The following NFATC2 variants were observed in gnomAD, a reference collection of about 807,000 sequenced individuals.
NFATC2 encodes the protein nuclear factor of activated T-cells, cytoplasmic 2.
A neutral mutation model predicts 87.3 loss-of-function variants in NFATC2; 22 were observed. The observed-to-expected ratio is 0.25, with a 90% confidence interval of 0.18 to 0.36. The LOEUF (loss-of-function observed/expected upper bound fraction) is 0.36. NFATC2 is among the 10% of genes least tolerant of loss of function. NFATC2 has a pLI of 1.00. For synonymous variants in NFATC2, 565 were observed against 542.2 expected (o/e 1.04, Z -0.58); for missense variants, 1,149 against 1,259.1 (o/e 0.91, Z 1.32).
chr20:51,453,190 C>A (rs1986010111), intron 6 of NFATC2, among the ~76,000 whole-genome samples: 1 of 152,286 alleles, frequency 6.6e-6, no homozygotes, highest in Non-Finnish European at 1.5e-5. Flanking sequence ...ATGCAGTTGT[C>A]ACACCCCGGT....
chr20:51,430,895 G>T (rs1465696224), intron 9 of NFATC2, among the ~76,000 whole-genome samples: 1 of 152,072 alleles, frequency 6.6e-6, no homozygotes, highest in Non-Finnish European at 1.5e-5. Context: ...GAGGTTTCAG[G>T]GTATATCAGA....
In NFATC2 at chr20:51,432,255, C is replaced by T; in HGVS notation, c.2534G>A (p.Gly845Asp). 29 of 1,614,164 alleles carry T rather than the reference C, an allele frequency of 1.8e-5. No homozygotes were observed. Among genetic ancestry groups the T allele is most frequent in the Non-Finnish European group, 2.4e-5 (28 of 1,180,026 alleles). ...ENFAPGTTRPGPPPVSQGQRL... is the reference protein window; with the variant it reads ...ENFAPGTTRPDPPPVSQGQRL... The stretch of plus-strand genomic sequence containing the variant: ...CTGACCTTGACTGACCGGGGGCGGG[C>T]CAGGTCTGGTGGTGCCTGGTGCGAA... Residue 845 changes from glycine (G) to aspartate (D), a missense_variant, in exon 9 of 11, where the codon GGC becomes GAC. Gly to Asp is a moderately conservative substitution (Grantham distance 94). Around this residue, in one of 3 missense-constraint regions of NFATC2, gnomAD observed 581 missense variants for 649.7 expected, o/e 0.89. Coordinates refer to ENST00000371564, the MANE Select transcript of NFATC2 (RefSeq NM_012340.5). The surrounding 1 kb of genome is among the most constrained non-coding windows in gnomAD (Gnocchi z 4.6).
At chr20:51,401,470 A>G (rs565013304) in intron 9 of NFATC2, among the ~76,000 whole-genome samples, 1 of 152,348 alleles carries the variant, frequency 6.6e-6, no homozygotes, top group South Asian at 2.1e-4. Context: ...CCAATAACCA[A>G]GGATACCATT....
intron 1 of NFATC2, among the ~76,000 whole-genome samples, chr20:51,535,797 G>A (rs925806621): frequency 6.6e-6 from 1 of 152,128 alleles, no homozygotes; most frequent in African/African-American, 2.4e-5. Flanking sequence ...GCCCAAGCAG[G>A]TCTGTTTTGA....
intron 9 of NFATC2, among the ~76,000 whole-genome samples, chr20:51,399,731 C>T (rs538604593): frequency 1.3e-5 from 2 of 152,216 alleles, no homozygotes; most frequent in African/African-American, 2.4e-5. Context: ...CCAAAGCAAA[C>T]ATTTCCAGGT....
chr20:51,522,203 T>TA (rs1056383049), intron 2 of NFATC2, among the ~76,000 whole-genome samples: 8 of 132,162 alleles, frequency 6.1e-5, no homozygotes, highest in Non-Finnish European at 3.1e-5. Context: ...ATCCATTTTT[T>TA]AAAAAAACAC....
chr20:51,432,780 G>A lies in NFATC2; in HGVS notation c.2033-24C>T. On this transcript the variant is annotated intron_variant, in intron 8 of 10. Transcript: ENST00000371564. The surrounding 1 kb of genome is among the most constrained non-coding windows in gnomAD (Gnocchi z 4.6). ...GACTGGGAGGAGAAAAGAGCACATAGGGGCGCCCATGGCAGTGAGCCACGG... is the reference window on the plus strand; with the variant it reads ...GACTGGGAGGAGAAAAGAGCACATAAGGGCGCCCATGGCAGTGAGCCACGG... 6.5e-7 allele frequency: 1 copy of A among 1,532,136 alleles called. No homozygotes were observed. Among genetic ancestry groups the A allele is most frequent in the Non-Finnish European group, 8.7e-7 (1 of 1,149,062 alleles). The allele number at this position is 1,532,136 out of a possible 1,614,324, so 94.9% of individuals were successfully genotyped here. A position where few individuals can be genotyped will look rare whatever the true frequency, so the allele number is the denominator to read the frequency against.
At chr20:51,498,488 A>G (rs1044321781) in intron 3 of NFATC2, among the ~76,000 whole-genome samples, 1 of 152,158 alleles carries the variant, frequency 6.6e-6, no homozygotes, top group Admixed American at 6.5e-5. Context: ...AACATATATC[A>G]GGCTATGGAA....
chr20:51,469,181 C>T (rs1001130034), intron 5 of NFATC2, among the ~76,000 whole-genome samples: 3 of 152,126 alleles, frequency 2.0e-5, no homozygotes, highest in East Asian at 3.9e-4. Flanking sequence ...CACCAGCATG[C>T]CTGGCTAATT....
intron 3 of NFATC2, among the ~76,000 whole-genome samples, chr20:51,487,622 A>C (rs1049501901): frequency 2.0e-5 from 3 of 152,234 alleles, no homozygotes; most frequent in African/African-American, 7.2e-5. Context: ...ACAGCTGAAA[A>C]AGAACCCCAA....
chr20:51,483,721 A>G (rs868299247), intron 3 of NFATC2, among the ~76,000 whole-genome samples: 5 of 151,662 alleles, frequency 3.3e-5, no homozygotes, highest in Admixed American at 6.6e-5. Flanking sequence ...AATCACTTCA[A>G]TAACAACCCT....
At chr20:51,536,214 A>G (rs1196692631) in intron 1 of NFATC2, among the ~76,000 whole-genome samples, 3 of 152,212 alleles carry the variant, frequency 2.0e-5, no homozygotes, top group Admixed American at 2.0e-4. Flanking sequence ...ATAAGAGGTG[A>G]ACGTGCACAC....
intron 9 of NFATC2, 70 bp from the exon 10 acceptor site, chr20:51,398,800 C>T (rs925779361): frequency 1.0e-5 from 11 of 1,055,170 alleles, no homozygotes; most frequent in Middle Eastern, 2.0e-4. Context: ...CTTACGCTTC[C>T]AACTCATGCC....
At chr20:51,496,085 C>A (rs1164920066) in intron 3 of NFATC2, among the ~76,000 whole-genome samples, 1 of 152,114 alleles carries the variant, frequency 6.6e-6, no homozygotes, top group East Asian at 1.9e-4. Flanking sequence ...CCCAGAGGAG[C>A]CAGGTGAGGA....
In NFATC2 at chr20:51,560,786, T is replaced by C. The variant is rs553879674; in HGVS notation, c.70+1774A>G. Among the ~76,000 whole-genome samples, 10 of 152,314 alleles carry C rather than the reference T, an allele frequency of 6.6e-5. No homozygotes were observed. In the South Asian group the frequency reaches 2.1e-3, roughly 32 times the overall value. On this transcript the variant is annotated intron_variant, in intron 1 of 10. Coordinates refer to the NFATC2 transcript ENST00000414705. ...AATCCCTGCACGCATGAGCATGGGCTGGGGAGGGTAGCTATTGAACACGCG... is the reference window on the plus strand; with the variant it reads ...AATCCCTGCACGCATGAGCATGGGCCGGGGAGGGTAGCTATTGAACACGCG...
intron 5 of NFATC2, among the ~76,000 whole-genome samples, chr20:51,462,948 G>A (rs1298467816): frequency 6.6e-6 from 1 of 152,210 alleles, no homozygotes; most frequent in Non-Finnish European, 1.5e-5. Flanking sequence ...GACTTCGTGG[G>A]AAAGACACCG....
At chr20:51,400,705 A>G (rs1161017881) in intron 9 of NFATC2, among the ~76,000 whole-genome samples, 4 of 152,146 alleles carry the variant, frequency 2.6e-5, no homozygotes, top group Non-Finnish European at 5.9e-5. Context: ...GCCACCGCCA[A>G]ACACCCTCCT....
chr20:51,561,504 C>A (rs529507987), intron 1 of NFATC2, among the ~76,000 whole-genome samples: 2,200 of 141,774 alleles, frequency 0.016, 15 homozygotes, highest in African/African-American at 0.024. Context: ...AGCAAGCAAG[C>A]AAGCAAGCAA....
intron 1 of NFATC2, among the ~76,000 whole-genome samples, chr20:51,555,509 C>T (rs1008622115): frequency 1.6e-4 from 24 of 151,988 alleles, no homozygotes; most frequent in African/African-American, 5.3e-4. Flanking sequence ...AGGAAAATGG[C>T]GTGAATCCGG....
Sources: gnomAD v4.1 joint callset for allele counts (sites outside exome capture counted in the v4.1 genomes callset) on GRCh38, gnomAD v4.1.1 for gene constraint, gnomAD v4.1.1 regional missense constraint, Gnocchi (gnomAD v3.1) non-coding constraint, MANE v1.5 for transcripts, NCBI Gene and HGNC (gene_info 2026-07-23, HGNC 2026-07-21) for gene names.